The following ABR variants were observed in gnomAD, a reference collection of about 807,000 sequenced individuals.
ABR encodes the protein active breakpoint cluster region-related protein.
A neutral mutation model predicts 107.2 loss-of-function variants in ABR; 35 were observed. That is an observed-to-expected ratio of 0.33 (90% confidence interval 0.25 to 0.43). The LOEUF is 0.43. Ranked by LOEUF, ABR falls within the 20% of genes least tolerant of loss-of-function variation. ABR has a pLI of 1.00. For missense variants in ABR, 815 were observed against 1,115.2 expected, an observed-to-expected ratio of 0.73 and a Z score of 3.83; for synonymous variants, 498 against 462.0, an observed-to-expected ratio of 1.08 and a Z score of -1.00.
intron 2 of ABR, 44 bp downstream of exon 2, chr17:1,125,139 C>G (rs191471413): frequency 2.1e-5 from 32 of 1,525,142 alleles, no homozygotes; most frequent in Non-Finnish European, 2.5e-5. Context: ...CAGGCCTTCC[C>G]GTCACCCCTC....
At chr17:1,172,263 G>A (rs1354526918) in intron 1 of ABR, among the ~76,000 whole-genome samples, 3 of 152,204 alleles carry the variant, frequency 2.0e-5, no homozygotes, top group Non-Finnish European at 2.9e-5. Flanking sequence ...GGCAGGGGTG[G>A]GATTGGGCAT....
At chr17:1,205,384 C>T (rs2042769886) in intron 1 of ABR, among the ~76,000 whole-genome samples, 1 of 152,160 alleles carries the variant, frequency 6.6e-6, no homozygotes, top group African/African-American at 2.4e-5. Flanking sequence ...CCGTGAAAGG[C>T]CTGAGAATGT....
At chr17:1,073,369 AGGAG>A (rs1028176566) in intron 7 of ABR, among the ~76,000 whole-genome samples, 9 of 152,086 alleles carry the variant, frequency 5.9e-5, no homozygotes, top group African/African-American at 2.2e-4. Context: ...ACTGGAGACC[AGGAG>A]GCAGCGGGTG....
chr17:1,125,501 G>T, intron 1 of ABR, 134 bp from the exon 2 acceptor site: 1 of 871,930 alleles, frequency 1.1e-6, no homozygotes, highest in Non-Finnish European at 1.7e-6. Context: ...GCCCGGGCGG[G>T]GGCTGTGCGG....
chr17:1,023,040 T>TGCCGGCCCCACGTCCACTGCAGAGCCA (rs2071826837), intron 16 of ABR, among the ~76,000 whole-genome samples: 1 of 138,806 alleles, frequency 7.2e-6, no homozygotes, highest in Admixed American at 6.8e-5. Context: ...CTGCAGAGCC[T>TGCCGGCCCCACGTCCACTGCAGAGCCA]CTGCCTGCCC....
In ABR at chr17:1,004,816, G is replaced by GA. The variant is rs1308055134; in HGVS notation, c.*1263_*1264insT. 4.9e-5 allele frequency: 19 copies of GA among 386,408 alleles called. No individual in the cohort carries two copies. In the East Asian group the frequency reaches 6.6e-4, roughly 13 times the overall value. The allele number at this position is 386,408 out of a possible 1,614,324, so 23.9% of individuals were successfully genotyped here. A position where few individuals can be genotyped will look rare whatever the true frequency, so the allele number is the denominator to read the frequency against. On this transcript the variant is annotated 3_prime_UTR_variant, in exon 23 of 23. Coordinates refer to ENST00000302538, the MANE Select transcript of ABR (RefSeq NM_021962.5). ...CAAAAGGCTGTATCCAGAAGCTGGG[G>GA]CGGCACCACAATGGCTGGCCACCGT...
intron 16 of ABR, among the ~76,000 whole-genome samples, chr17:1,014,120 C>T (rs56865091): frequency 6.6e-6 from 1 of 152,164 alleles, no homozygotes. Flanking sequence ...AATACCCCAG[C>T]GACGTGATAC....
At chr17:1,117,983 G>A (rs1313181809) in intron 2 of ABR, among the ~76,000 whole-genome samples, 5 of 94,134 alleles carry the variant, frequency 5.3e-5, no homozygotes, top group Admixed American at 2.3e-4. Flanking sequence ...CCCTGAGCCT[G>A]AGTTCCTCCC....
intron 1 of ABR, among the ~76,000 whole-genome samples, chr17:1,147,518 A>G (rs1286933257): frequency 1.3e-5 from 2 of 151,200 alleles, no homozygotes; most frequent in Non-Finnish European, 2.9e-5. Flanking sequence ...CCACTACCAC[A>G]CTCAGCTAAT....
intron 1 of ABR, among the ~76,000 whole-genome samples, chr17:1,198,323 G>C (rs1393355317): frequency 6.6e-6 from 1 of 151,606 alleles, no homozygotes; most frequent in Non-Finnish European, 1.5e-5. Context: ...CCGAGCTGCT[G>C]CTGATTTTTA....
intron 9 of ABR, among the ~76,000 whole-genome samples, chr17:1,069,671 C>G (rs1245205908): frequency 6.6e-6 from 1 of 151,930 alleles, no homozygotes. Context: ...GACCCTGTCT[C>G]AAAAGAAAAA....
chr17:1,013,501 C>T (rs531097895), intron 16 of ABR, among the ~76,000 whole-genome samples: 3 of 152,182 alleles, frequency 2.0e-5, no homozygotes, highest in South Asian at 4.1e-4. Flanking sequence ...GCTGCCAGCC[C>T]GGGACATGGG....
upstream of ABR, among the ~76,000 whole-genome samples, chr17:1,189,837 G>C (rs1001676044): frequency 6.6e-6 from 1 of 152,130 alleles, no homozygotes; most frequent in Non-Finnish European, 1.5e-5. Context: ...TGGAGGATAG[G>C]AACCACATCT....
Position 1,070,099 on chromosome 17 carries a change from G to A in ABR, c.895-9C>T, listed in dbSNP as rs369737406. 6.2e-7 allele frequency: 1 copy of A among 1,613,550 alleles called. No individual in the cohort carries two copies. Among genetic ancestry groups the A allele is most frequent in the African/African-American group, 1.3e-5 (1 of 74,950 alleles). On this transcript the variant is annotated splice_polypyrimidine_tract_variant and intron_variant, in intron 8 of 22. Coordinates refer to ENST00000302538, the MANE Select transcript of ABR (RefSeq NM_021962.5). This position sits in a 1 kb window ranked among gnomAD's most constrained non-coding sequence, Gnocchi z 4.2. ...TTCACCAGCTGTCGCGTCTGAGGGA[G>A]ATGGCAGACCCCCCAGCCTGCTCAG...
At chr17:1,009,912 A>C in intron 20 of ABR, 128 bp from the exon 21 acceptor site, 1 of 769,250 alleles carries the variant, frequency 1.3e-6, no homozygotes, top group Non-Finnish European at 2.2e-6. Context: ...AGCAGACCCC[A>C]CAGGGGAGGG....
chr17:1,113,831 A>G (rs560139597), intron 2 of ABR, among the ~76,000 whole-genome samples: 3 of 152,306 alleles, frequency 2.0e-5, no homozygotes, highest in Non-Finnish European at 2.9e-5. Context: ...GGGAGCCTCT[A>G]AGAGTTAGTT....
At chr17:1,121,499 C>T (rs970860339) in intron 2 of ABR, among the ~76,000 whole-genome samples, 23 of 152,202 alleles carry the variant, frequency 1.5e-4, no homozygotes, top group Non-Finnish European at 2.2e-4. Flanking sequence ...GCTGAAATTC[C>T]GCAGCATCTT....
chr17:1,079,153 C>T, intron 6 of ABR, 177 bp downstream of exon 6: 1 of 1,447,714 alleles, frequency 6.9e-7, no homozygotes, highest in Admixed American at 2.5e-5. Flanking sequence ...GGCTAGAGTC[C>T]TCGCGTGCGC....
Position 1,113,277 on chromosome 17 carries a change from G to GGTTTTTTTTTTTTTTTTTTTTTTTT in ABR, c.246+11905_246+11906insAAAAAAAAAAAAAAAAAAAAAAAAC, listed in dbSNP as rs1416563541. On this transcript the variant is annotated intron_variant, in intron 2 of 22. Transcript: ENST00000302538. ...GGGATAACATGGAAACACCTATTGCGATTTTTTTTTTTTTTTTTTTTTTTT... is the reference window on the plus strand; with the variant it reads ...GGGATAACATGGAAACACCTATTGCGGTTTTTTTTTTTTTTTTTTTTTTTTATTTTTTTTTTTTTTTTTTTTTTTT... Among the ~76,000 whole-genome samples the GGTTTTTTTTTTTTTTTTTTTTTTTT allele has an allele frequency of 1.6e-4, 14 of 88,172 alleles. 5 individuals are homozygous for GGTTTTTTTTTTTTTTTTTTTTTTTT. The highest frequency in any genetic ancestry group is 1.5e-4 in the African/African-American group (3 of 19,730). The allele number at this position is 88,172 out of a possible 152,430, so 57.8% of individuals were successfully genotyped here.
Sources: allele counts gnomAD v4.1 joint callset (sites outside exome capture counted in the v4.1 genomes callset), GRCh38; gene constraint gnomAD v4.1.1; non-coding constraint Gnocchi (gnomAD v3.1); transcripts MANE v1.5; gene names NCBI Gene and HGNC (gene_info 2026-07-23, HGNC 2026-07-21).